Variants in PTK2 observed in about 807,000 individuals in gnomAD.
The protein encoded by PTK2 is focal adhesion kinase 1.
In PTK2, 45 loss-of-function variants were observed where a neutral mutation model predicts 150.1. The ratio of observed to expected loss-of-function variants is 0.30; its 90% confidence interval spans 0.24 to 0.38. The LOEUF (loss-of-function observed/expected upper bound fraction) is 0.38. PTK2 is among the 10% of genes least tolerant of loss of function. The pLI, the probability that PTK2 is intolerant of heterozygous loss-of-function variation, is 1.00. For synonymous variants in PTK2, 432 were observed against 449.2 expected (o/e 0.96, Z 0.48); for missense variants, 919 against 1,307.3 (o/e 0.70, Z 4.58).
intron 31 of PTK2, chr8:140,662,505 G>C: frequency 5.0e-6 from 2 of 398,818 alleles, no homozygotes; most frequent in Middle Eastern, 6.3e-4. Flanking sequence ...ACTGAGGCTT[G>C]TCATGGAAAG....
intron 2 of PTK2, among the ~76,000 whole-genome samples, chr8:140,914,089 A>G (rs971630566): frequency 6.6e-6 from 1 of 152,226 alleles, no homozygotes; most frequent in Non-Finnish European, 1.5e-5. Flanking sequence ...ATAATATAAA[A>G]TAAAAATACA....
At chr8:140,996,237 T>C (rs1036905993) in intron 1 of PTK2, among the ~76,000 whole-genome samples, 18 of 152,152 alleles carry the variant, frequency 1.2e-4, no homozygotes, top group African/African-American at 4.3e-4. Context: ...TTCAATTCTG[T>C]AAATTGATGT....
At chr8:140,674,044 G>C in intron 29 of PTK2, 2 of 614,118 alleles carry the variant, frequency 3.3e-6, no homozygotes, top group Non-Finnish European at 6.2e-6. Context: ...TAGAAAATCA[G>C]AATCTGACTG....
chr8:140,815,438 G>A (rs1201504467), intron 10 of PTK2, among the ~76,000 whole-genome samples: 3 of 152,066 alleles, frequency 2.0e-5, no homozygotes, highest in African/African-American at 7.2e-5. Context: ...AAGTGGGGAG[G>A]GGATTGGGAA....
rs2100176578 is a variant in PTK2, at chr8:140,943,525, T to G, written c.-121-17776A>C. ...TGTCTCCAGTGATTACGAATAAAGC[T>G]GCTATAAATGTTCACATAGAGGTCA... On this transcript the variant is annotated intron_variant, in intron 1 of 31. Coordinates refer to ENST00000522684, the Ensembl canonical transcript of PTK2. Among the ~76,000 whole-genome samples the G allele has an allele frequency of 2.6e-5, 4 of 151,736 alleles. No homozygotes were observed. The South Asian group carries it at 8.3e-4, about 31-fold the overall frequency.
chr8:140,889,668 A>C (rs999001410), intron 3 of PTK2, among the ~76,000 whole-genome samples: 3 of 152,058 alleles, frequency 2.0e-5, no homozygotes, highest in African/African-American at 7.2e-5. Flanking sequence ...AAAAAGACGT[A>C]TCTAAACTTC....
chr8:140,909,974 T>A (rs1014041865), intron 2 of PTK2, among the ~76,000 whole-genome samples: 1 of 152,144 alleles, frequency 6.6e-6, no homozygotes, highest in Admixed American at 6.5e-5. Flanking sequence ...CCTTTAAAAA[T>A]TTCTCCTAAA....
chr8:140,705,833 C>T (rs1219345145), intron 24 of PTK2, among the ~76,000 whole-genome samples: 1 of 152,172 alleles, frequency 6.6e-6, no homozygotes, highest in Non-Finnish European at 1.5e-5. Context: ...TGTGTGTGCC[C>T]ACTGGCTTCA....
intron 2 of PTK2, among the ~76,000 whole-genome samples, chr8:140,892,939 G>C (rs1236164187): frequency 2.0e-5 from 3 of 152,210 alleles, no homozygotes; most frequent in African/African-American, 4.8e-5. Flanking sequence ...TAGTTTGGCA[G>C]TTCCTCAAAA....
In PTK2 at chr8:140,803,988, G is replaced by A. The variant is rs561560343; in HGVS notation, c.868-338C>T. On this transcript the variant is annotated intron_variant, in intron 10 of 31. Transcript: ENST00000522684. ...TGGCCTGACTCGTTTGCCAGCCTGGGAGGAATCTTATGGAATTCTTAGTCA... is the reference window on the plus strand; with the variant it reads ...TGGCCTGACTCGTTTGCCAGCCTGGAAGGAATCTTATGGAATTCTTAGTCA... 1.6e-4 allele frequency among the ~76,000 whole-genome samples: 24 copies of A among 152,320 alleles called. No homozygotes were observed. In the East Asian group the frequency reaches 4.1e-3, roughly 26 times the overall value.
chr8:140,944,077 C>T (rs947807776), intron 1 of PTK2, among the ~76,000 whole-genome samples: 4 of 152,152 alleles, frequency 2.6e-5, no homozygotes, highest in Non-Finnish European at 4.4e-5. Flanking sequence ...CTATGATATG[C>T]AAAGACGGAT....
chr8:140,697,101 T>G (rs2100027059), intron 26 of PTK2, among the ~76,000 whole-genome samples: 1 of 144,520 alleles, frequency 6.9e-6, no homozygotes, highest in Non-Finnish European at 1.5e-5. Context: ...GCCACTGCAC[T>G]TTACCCTGGG....
chr8:140,811,935 T>C (rs1298108874), intron 10 of PTK2, among the ~76,000 whole-genome samples: 9 of 152,170 alleles, frequency 5.9e-5, no homozygotes, highest in Admixed American at 5.9e-4. Flanking sequence ...CAAATCTATG[T>C]CTCACTGGTG....
intron 26 of PTK2, among the ~76,000 whole-genome samples, chr8:140,693,343 C>T (rs920422971): frequency 2.0e-5 from 3 of 151,822 alleles, no homozygotes; most frequent in Non-Finnish European, 2.9e-5. Context: ...TGCTTGAGCC[C>T]AGGAGTTTGA....
intron 10 of PTK2, among the ~76,000 whole-genome samples, chr8:140,807,383 T>C (rs2100098685): frequency 6.6e-6 from 1 of 152,208 alleles, no homozygotes; most frequent in Non-Finnish European, 1.5e-5. Context: ...TACATTCAGA[T>C]ACAGTACTGC....
At chr8:140,953,199 C>T (rs578057788) in intron 1 of PTK2, among the ~76,000 whole-genome samples, 1 of 152,144 alleles carries the variant, frequency 6.6e-6, no homozygotes. Context: ...TAGTCCCCCC[C>T]AGTAGATGCC....
chr8:140,777,799 C>G (rs1373541013), intron 14 of PTK2, among the ~76,000 whole-genome samples: 1 of 152,190 alleles, frequency 6.6e-6, no homozygotes, highest in Non-Finnish European at 1.5e-5. Context: ...GCTGAAAACT[C>G]TTCCCTCAGA....
chr8:140,668,335 T>C (rs373993686), exon 30 of PTK2: 1 of 1,614,092 alleles, frequency 6.2e-7, no homozygotes, highest in Non-Finnish European at 8.5e-7. Flanking sequence ...CGATGACAGC[T>C]TTCACCAGGC....
At chr8:140,893,489 C>T (rs778097890) in intron 2 of PTK2, among the ~76,000 whole-genome samples, 25 of 152,074 alleles carry the variant, frequency 1.6e-4, no homozygotes, top group Middle Eastern at 3.2e-3. Context: ...TGATACATGC[C>T]GCAACATGGA....
Sources: allele counts gnomAD v4.1 joint callset (sites outside exome capture counted in the v4.1 genomes callset), GRCh38; gene constraint gnomAD v4.1.1; transcripts MANE v1.5; gene names NCBI Gene and HGNC (gene_info 2026-07-23, HGNC 2026-07-21).